The following RALB variants were observed in gnomAD, a reference collection of about 807,000 sequenced individuals.
RALB encodes the protein RAS like proto-oncogene B.
RALB carries 16 observed loss-of-function variants against 21.3 expected under a neutral mutation model. That is an observed-to-expected ratio of 0.75 (90% CI 0.51 to 1.14). RALB has a LOEUF of 1.14. Among genes scored for constraint, RALB ranks in the 50% most tolerant of loss-of-function variants. RALB has a pLI of 0.00. For synonymous variants in RALB, 93 were observed against 96.1 expected (o/e 0.97, Z 0.19); for missense variants, 161 against 256.2 (o/e 0.63, Z 2.54).
intron 1 of RALB, among the ~76,000 whole-genome samples, chr2:120,240,577 G>A (rs1292030454): frequency 6.6e-6 from 1 of 152,174 alleles, no homozygotes; most frequent in East Asian, 1.9e-4. Flanking sequence ...GGGATCACAG[G>A]TGTGAGCCAC....
chr2:120,254,917 C>T (rs1437353697), intron 1 of RALB, among the ~76,000 whole-genome samples: 1 of 152,212 alleles, frequency 6.6e-6, no homozygotes, highest in Non-Finnish European at 1.5e-5. Flanking sequence ...CTCAAGCCAT[C>T]CTACCACCTT....
At chr2:120,271,082 C>G (rs1558951229) in intron 1 of RALB, among the ~76,000 whole-genome samples, 1 of 152,180 alleles carries the variant, frequency 6.6e-6, no homozygotes, top group Non-Finnish European at 1.5e-5. Flanking sequence ...TTGTGATTTT[C>G]ATGACAACCC....
chr2:120,248,227 A>G (rs1689001633), upstream of RALB, among the ~76,000 whole-genome samples: 1 of 152,150 alleles, frequency 6.6e-6, no homozygotes, highest in Non-Finnish European at 1.5e-5. Flanking sequence ...CCAAAGATCA[A>G]ATGCCCCCAG....
chr2:120,290,049 G>A (rs1442961666), intron 4 of RALB, among the ~76,000 whole-genome samples: 1 of 152,130 alleles, frequency 6.6e-6, no homozygotes. Context: ...GTGACACCAG[G>A]CTGGAGTGGT....
At chr2:120,281,397 C>T (rs1689986860) in intron 2 of RALB, among the ~76,000 whole-genome samples, 1 of 152,084 alleles carries the variant, frequency 6.6e-6, no homozygotes, top group African/African-American at 2.4e-5. Flanking sequence ...GAGAGTCACC[C>T]GGGGGTGAGA....
chr2:120,266,068 C>A (rs1689494496), intron 1 of RALB, among the ~76,000 whole-genome samples: 1 of 152,086 alleles, frequency 6.6e-6, no homozygotes, highest in South Asian at 2.1e-4. Context: ...TTCCTCCCAC[C>A]ATTTATTGTT....
At chr2:120,285,507 C>T (rs577940108) in intron 2 of RALB, among the ~76,000 whole-genome samples, 6 of 152,206 alleles carry the variant, frequency 3.9e-5, no homozygotes, top group South Asian at 4.2e-4. Context: ...CAACATGACA[C>T]GTGTATACAT....
chr2:120,273,585 A>G (rs974950032), intron 1 of RALB, among the ~76,000 whole-genome samples: 20 of 152,238 alleles, frequency 1.3e-4, no homozygotes, highest in African/African-American at 4.3e-4. Flanking sequence ...TCCCTGAACA[A>G]GGAAAGGATC....
chr2:120,275,429 A>G (rs1388261230), intron 1 of RALB, among the ~76,000 whole-genome samples: 1 of 152,230 alleles, frequency 6.6e-6, no homozygotes. Context: ...TTTAAGAGCA[A>G]TTCTAAGCCT....
At chr2:120,253,384 T>A (rs1349695280) in intron 1 of RALB, 3 of 985,412 alleles carry the variant, frequency 3.0e-6, no homozygotes, top group African/African-American at 1.7e-5. Context: ...AAAACTTAAC[T>A]GCCCTCGGAA....
intron 1 of RALB, among the ~76,000 whole-genome samples, chr2:120,275,823 C>T (rs146675204): frequency 1.1e-3 from 167 of 152,150 alleles, no homozygotes; most frequent in African/African-American, 3.6e-3. Flanking sequence ...TGCAGACACA[C>T]CAAGGGTGAG....
chr2:120,270,848 C>A (rs1032833151), intron 1 of RALB, among the ~76,000 whole-genome samples: 18 of 152,020 alleles, frequency 1.2e-4, no homozygotes, highest in Admixed American at 5.9e-4. Context: ...TGTTTTTGTC[C>A]CTACATTGTC....
In RALB at chr2:120,294,558, C is replaced by A. The variant is rs77826367; in HGVS notation, c.*1298C>A. 1,573 of 287,234 alleles carry A rather than the reference C, an allele frequency of 5.5e-3. 56 individuals carry two copies. The East Asian group carries it at 0.08, about 15-fold the overall frequency. 17.8% of individuals were successfully genotyped at this position (287,234 alleles called of 1,614,324 possible). A position where few individuals can be genotyped will look rare whatever the true frequency, so the allele number is the denominator to read the frequency against. ...AGAAGCGACATTTCATATATAGGTG[C>A]CAAAAGTGAATCGGGGTGCGGAGAG... On this transcript the variant is annotated 3_prime_UTR_variant, in exon 5 of 5. Transcript: ENST00000272519.
intron 1 of RALB, among the ~76,000 whole-genome samples, chr2:120,261,860 G>T (rs1689375088): frequency 6.6e-6 from 1 of 152,186 alleles, no homozygotes; most frequent in South Asian, 2.1e-4. Context: ...GGTGGTATTT[G>T]AACAAGTGAG....
chr2:120,269,270 C>A (rs1368417098), intron 1 of RALB, among the ~76,000 whole-genome samples: 1 of 152,154 alleles, frequency 6.6e-6, no homozygotes. Flanking sequence ...TTCATGGTCT[C>A]ACTGACTTCA....
At position 120,253,504 on chromosome 2, in the gene RALB, C is replaced by T. The variant is rs1041440815; in HGVS notation, c.-48+524C>T. 3.0e-6 allele frequency: 3 copies of T among 985,658 alleles called. No individual in the cohort carries two copies. The African/African-American group carries it at 5.2e-5, about 17-fold the overall frequency. 61.1% of individuals were successfully genotyped at this position (985,658 alleles called of 1,614,324 possible). ...AAAGTTGTTTCTCCCCCAGCCTCCT[C>T]CCCTTTCCTTTCTGATAGGGGCCAG... On this transcript the variant is annotated intron_variant, in intron 1 of 4. Transcript: ENST00000272519.
Position 120,266,385 on chromosome 2 carries a change from C to G in RALB, c.-47-12233C>G, listed in dbSNP as rs893741588. 2.0e-5 allele frequency among the ~76,000 whole-genome samples: 3 copies of G among 152,200 alleles called. No individual in the cohort carries two copies. The East Asian group carries it at 5.8e-4, about 29-fold the overall frequency. On this transcript the variant is annotated intron_variant, in intron 1 of 4. Coordinates refer to ENST00000272519, the MANE Select transcript of RALB (RefSeq NM_002881.3). Reference sequence around the variant, plus strand: ...TCAGCCTCCCAAGTAGCTGGGACTACAGGTGTGTGCCACTACGCCCAGCTA... The same window carrying G: ...TCAGCCTCCCAAGTAGCTGGGACTAGAGGTGTGTGCCACTACGCCCAGCTA...
chr2:120,265,934 A>G (rs1558949471), intron 1 of RALB, among the ~76,000 whole-genome samples: 1 of 152,270 alleles, frequency 6.6e-6, no homozygotes, highest in Non-Finnish European at 1.5e-5. Context: ...CTCTTCAGGT[A>G]GCAGGAACTT....
chr2:120,289,712 G>A lies in RALB; in HGVS notation c.456G>A (p.Val152=). The A allele has an allele frequency of 6.2e-7, 1 of 1,614,140 alleles. No homozygotes were observed. Among genetic ancestry groups the A allele is most frequent in the Non-Finnish European group, 8.5e-7 (1 of 1,180,024 alleles). Residue 152 remains valine (V), a synonymous_variant, in exon 4 of 5, where the codon GTG becomes GTA. Coordinates refer to ENST00000272519, the MANE Select transcript of RALB (RefSeq NM_002881.3). ...GGAGTAAAGCCGAAGAGTGGGGCGTGCAGTACGTGGAGACGTCAGCGAAGA... is the reference window on the plus strand; with the variant it reads ...GGAGTAAAGCCGAAGAGTGGGGCGTACAGTACGTGGAGACGTCAGCGAAGA... ...EARSKAEEWG[V]QYVETSAKTR... is the part of the protein sequence containing the mutation.
Sources: gnomAD v4.1 joint callset for allele counts (sites outside exome capture counted in the v4.1 genomes callset) on GRCh38, gnomAD v4.1.1 for gene constraint, MANE v1.5 for transcripts, NCBI Gene and HGNC (gene_info 2026-07-23, HGNC 2026-07-21) for gene names.